CHRM3: variants seen among roughly 807,000 people sequenced by gnomAD.
CHRM3 encodes the protein muscarinic acetylcholine receptor M3.
CHRM3 carries 11 observed loss-of-function variants against 41.8 expected under a neutral mutation model. The observed-to-expected ratio is 0.26, with a 90% CI of 0.17 to 0.44. The LOEUF (loss-of-function observed/expected upper bound fraction) is 0.44. Ranked by LOEUF, CHRM3 falls within the 20% of genes least tolerant of loss-of-function variation. The probability of loss-of-function intolerance (pLI) is 1.00; values close to 1 mark genes in which losing one functional copy is unlikely to be tolerated. For missense variants in CHRM3, 571 were observed against 745.4 expected (o/e 0.77, Z 2.72); for synonymous variants, 297 against 301.4 (o/e 0.99, Z 0.15).
At chr1:239,538,349 G>C (rs16838446) in intron 2 of CHRM3, among the ~76,000 whole-genome samples, 6,507 of 152,032 alleles carry the variant, frequency 0.043, 471 homozygotes, top group African/African-American at 0.14. Context: ...TCTGTTGGCC[G>C]TTTGCCCTAA....
chr1:239,452,876 CTGCAAGCTCCTCCTCCCGGGTTCACG>C (rs1338986149), intron 1 of CHRM3, among the ~76,000 whole-genome samples: 4 of 152,264 alleles, frequency 2.6e-5, no homozygotes, highest in Admixed American at 2.0e-4. Flanking sequence ...TCTGGGCTCA[CTGCAAGCTCCTCCTCCCGGGTTCACG>C]CCATTCTCCT....
At chr1:239,886,078 T>C (rs530007944) in intron 6 of CHRM3, 2 of 152,344 alleles carry the variant, frequency 1.3e-5, no homozygotes, top group South Asian at 4.1e-4. Context: ...AAATGTGCTT[T>C]TAACTTCCAG....
chr1:239,533,686 G>A (rs576732635), intron 2 of CHRM3, among the ~76,000 whole-genome samples: 1 of 141,428 alleles, frequency 7.1e-6, no homozygotes, highest in South Asian at 2.3e-4. Context: ...AGCCGAGATT[G>A]GACCATTGCA....
At chr1:239,418,911 T>G (rs1424184739) in intron 1 of CHRM3, among the ~76,000 whole-genome samples, 2 of 152,120 alleles carry the variant, frequency 1.3e-5, no homozygotes, top group Non-Finnish European at 1.5e-5. Flanking sequence ...TTGAACAGGA[T>G]GAGGGCCCAC....
intron 1 of CHRM3, among the ~76,000 whole-genome samples, chr1:239,442,897 C>T (rs557555664): frequency 6.6e-6 from 1 of 152,064 alleles, no homozygotes; most frequent in Non-Finnish European, 1.5e-5. Flanking sequence ...TTCCTGTGCG[C>T]GAGCCCTTGT....
chr1:239,667,290 G>T (rs997073435), intron 4 of CHRM3, among the ~76,000 whole-genome samples: 2 of 152,130 alleles, frequency 1.3e-5, no homozygotes, highest in East Asian at 3.9e-4. Flanking sequence ...AATCTCCAAG[G>T]CATTACTGTT....
chr1:239,477,313 T>C (rs1219688170), intron 1 of CHRM3, among the ~76,000 whole-genome samples: 1 of 152,148 alleles, frequency 6.6e-6, no homozygotes, highest in African/African-American at 2.4e-5. Context: ...AAAGAGAGCA[T>C]GTAGAGAAAT....
chr1:239,657,971 G>C (rs1005221933), intron 4 of CHRM3, among the ~76,000 whole-genome samples: 1 of 152,060 alleles, frequency 6.6e-6, no homozygotes, highest in Non-Finnish European at 1.5e-5. Flanking sequence ...GAAAAAAAAA[G>C]TGAGAACAAT....
chr1:239,427,296 G>A (rs1291204695), intron 1 of CHRM3, among the ~76,000 whole-genome samples: 1 of 152,098 alleles, frequency 6.6e-6, no homozygotes, highest in African/African-American at 2.4e-5. Flanking sequence ...CAACTGAGAT[G>A]ATGAAACACA....
chr1:239,798,202 T>G (rs1669944589), intron 5 of CHRM3, among the ~76,000 whole-genome samples: 1 of 152,208 alleles, frequency 6.6e-6, no homozygotes, highest in Non-Finnish European at 1.5e-5. Flanking sequence ...TGTAAGAATA[T>G]AGTATATAAC....
intron 2 of CHRM3, among the ~76,000 whole-genome samples, chr1:239,517,726 T>A (rs1440483164): frequency 8.5e-5 from 13 of 152,194 alleles, no homozygotes; most frequent in Admixed American, 8.5e-4. Context: ...GAAATGAGCA[T>A]TTTTTGAAAG....
intron 5 of CHRM3, among the ~76,000 whole-genome samples, chr1:239,775,741 T>C (rs1202464473): frequency 1.3e-5 from 2 of 152,206 alleles, no homozygotes; most frequent in African/African-American, 2.4e-5. Flanking sequence ...CCAGTCATCA[T>C]ATGATCAGGG....
At chr1:239,769,113 T>C (rs909040180) in intron 5 of CHRM3, among the ~76,000 whole-genome samples, 2 of 152,006 alleles carry the variant, frequency 1.3e-5, no homozygotes, top group African/African-American at 4.8e-5. Flanking sequence ...ATTTTGCACA[T>C]CTATGCCAGG....
At chr1:239,530,349 T>G (rs1404018091) in intron 2 of CHRM3, among the ~76,000 whole-genome samples, 1 of 152,228 alleles carries the variant, frequency 6.6e-6, no homozygotes, top group Non-Finnish European at 1.5e-5. Context: ...TAATATGATA[T>G]ATTTTTAACT....
intron 2 of CHRM3, among the ~76,000 whole-genome samples, chr1:239,532,087 A>C (rs1191288218): frequency 2.5e-5 from 3 of 120,336 alleles, no homozygotes; most frequent in African/African-American, 1.0e-4. Context: ...ATCTCGGCTC[A>C]CTGCAAGCTC....
chr1:239,417,579 GTTT>G (rs34926014), intron 1 of CHRM3, among the ~76,000 whole-genome samples: 2 of 122,660 alleles, frequency 1.6e-5, no homozygotes, highest in Non-Finnish European at 3.3e-5. Context: ...AGATTAATTT[GTTT>G]TTTTTTTTTT....
chr1:239,797,251 A>AC (rs1449748795), intron 5 of CHRM3, among the ~76,000 whole-genome samples: 3 of 152,194 alleles, frequency 2.0e-5, no homozygotes, highest in African/African-American at 7.2e-5. Context: ...TACTGGGTAT[A>AC]TGTTCACTGT....
chr1:239,909,483 T>C lies in CHRM3; in HGVS notation c.*259T>C, dbSNP rs539204443. ...TTCTGAAATAGACTTTACGTGTTTTTTTCTTAAAGAGGAGAAAAATATTGC... is the reference window on the plus strand; with the variant it reads ...TTCTGAAATAGACTTTACGTGTTTTCTTCTTAAAGAGGAGAAAAATATTGC... On this transcript the variant is annotated 3_prime_UTR_variant, in exon 7 of 7. Coordinates refer to ENST00000676153, the MANE Select transcript of CHRM3 (RefSeq NM_001375978.1). 1.4e-5 allele frequency: 5 copies of C among 369,330 alleles called. No homozygotes were observed. In the South Asian group the frequency reaches 3.0e-4, roughly 22 times the overall value. The allele number at this position is 369,330 out of a possible 1,614,324, so 22.9% of individuals were successfully genotyped here. A position where few individuals can be genotyped will look rare whatever the true frequency, so the allele number is the denominator to read the frequency against.
At chr1:239,877,989 C>T (rs1304048154) in intron 6 of CHRM3, among the ~76,000 whole-genome samples, 1 of 151,282 alleles carries the variant, frequency 6.6e-6, no homozygotes, top group African/African-American at 2.4e-5. Context: ...CTCCCAGGTT[C>T]ATGCCATTCT....
Sources: gnomAD v4.1 joint callset for allele counts (sites outside exome capture counted in the v4.1 genomes callset) on GRCh38, gnomAD v4.1.1 for gene constraint, MANE v1.5 for transcripts, NCBI Gene and HGNC (gene_info 2026-07-23, HGNC 2026-07-21) for gene names.